Variants in GLIS2 observed in about 807,000 individuals in gnomAD.
The protein encoded by GLIS2 is zinc finger protein GLIS2.
Under a neutral mutation model 35.6 loss-of-function variants are expected in GLIS2, and 14 were observed. The ratio of observed to expected loss-of-function variants is 0.39; its 90% CI spans 0.26 to 0.61. The LOEUF (loss-of-function observed/expected upper bound fraction) is 0.61, where lower values mean the gene tolerates loss of function less well. GLIS2 is among the 20% of genes least tolerant of loss of function. GLIS2 has a pLI of 0.48. For missense variants in GLIS2, 675 were observed against 713.4 expected, an observed-to-expected ratio of 0.95 and a Z score of 0.61; for synonymous variants, 368 against 325.1, an observed-to-expected ratio of 1.13 and a Z score of -1.42.
chr16:4,323,676 C>T (rs569527688), intron 1 of GLIS2, among the ~76,000 whole-genome samples: 2 of 152,312 alleles, frequency 1.3e-5, no homozygotes, highest in African/African-American at 4.8e-5. Flanking sequence ...CTGGTGCAGG[C>T]CAGGGAAGCC....
chr16:4,316,010 C>T (rs1357157529), upstream of GLIS2, among the ~76,000 whole-genome samples: 1 of 142,530 alleles, frequency 7.0e-6, no homozygotes, highest in Non-Finnish European at 1.6e-5. Context: ...CTCCTCCCTC[C>T]TCCCGCCCGC....
chr16:4,316,489 C>T (rs1222429276), intron 1 of GLIS2, among the ~76,000 whole-genome samples: 3 of 151,916 alleles, frequency 2.0e-5, no homozygotes, highest in East Asian at 2.0e-4. Context: ...CTTTCTTCTC[C>T]CTCCTTCCTT....
chr16:4,317,913 C>T (rs569553408), intron 1 of GLIS2, among the ~76,000 whole-genome samples: 4 of 152,284 alleles, frequency 2.6e-5, no homozygotes, highest in African/African-American at 7.2e-5. Context: ...TGTGCCTGCC[C>T]GCCCTTCCCT....
At position 4,333,527 on chromosome 16, in the gene GLIS2, G is replaced by A. The variant is rs759961907; in HGVS notation, c.345+8G>A. On this transcript the variant is annotated splice_region_variant and intron_variant, in intron 3 of 6. Coordinates refer to ENST00000433375, the MANE Select transcript of GLIS2 (RefSeq NM_032575.3). ...CCAGTGCCCAGTGCCTCGGTAAGGA[G>A]GGGTGAGAGTTCCGGAGAGAGGGGT... 6.2e-7 allele frequency: 1 copy of A among 1,606,528 alleles called. No homozygotes were observed. Among genetic ancestry groups the A allele is most frequent in the Non-Finnish European group, 8.5e-7 (1 of 1,176,394 alleles).
At chr16:4,329,735 A>G (rs957357300) in intron 1 of GLIS2, among the ~76,000 whole-genome samples, 3 of 152,192 alleles carry the variant, frequency 2.0e-5, no homozygotes, top group Non-Finnish European at 2.9e-5. Context: ...TGTAGTAGTT[A>G]TGTCCACCAT....
intron 3 of GLIS2, 79 bp downstream of exon 3, chr16:4,333,598 G>C (rs2053520262): frequency 1.4e-6 from 2 of 1,445,494 alleles, no homozygotes; most frequent in Non-Finnish European, 1.9e-6. Flanking sequence ...CCAACACTGA[G>C]TGGTTTAAAA....
Position 4,337,503 on chromosome 16 carries a change from C to G in GLIS2, c.1554C>G (p.Leu518=). ...WVVIPPGSVL[L]KPAVVN ...TCATCCCGCCGGGCTCGGTGCTGCTCAAACCGGCTGTGGTGAACTGAGCCC... is the reference window on the plus strand; with the variant it reads ...TCATCCCGCCGGGCTCGGTGCTGCTGAAACCGGCTGTGGTGAACTGAGCCC... Residue 518 remains leucine, a synonymous_variant, in exon 7 of 7, where the codon CTC becomes CTG. Transcript: ENST00000433375. The G allele has an allele frequency of 1.3e-6, 2 of 1,562,564 alleles. No homozygotes were observed.
upstream of GLIS2, chr16:4,315,585 G>C (rs1007493324): frequency 1.3e-5 from 2 of 151,490 alleles, no homozygotes; most frequent in African/African-American, 4.8e-5. Context: ...CCCCGAGGGC[G>C]GGACGTCTCG....
In GLIS2 at chr16:4,337,053, C is replaced by A; in HGVS notation, c.1104C>A (p.Pro368=). The A allele has an allele frequency of 6.4e-7, 1 of 1,569,146 alleles. No individual in the cohort carries two copies. Among genetic ancestry groups the A allele is most frequent in the Non-Finnish European group, 8.6e-7 (1 of 1,163,040 alleles). The change falls in exon 7 of 7, where the codon CCC becomes CCA. Residue 368 remains proline (P), a synonymous_variant. Coordinates refer to ENST00000433375, the MANE Select transcript of GLIS2 (RefSeq NM_032575.3). The part of the protein sequence containing the change: ...PAALFGGPGL[P]GLPLPLAPGP... ...CCCTCTTTGGAGGCCCTGGCCTGCC[C>A]GGCTTACCCCTACCCCTGGCCCCCG...
Position 4,337,477 on chromosome 16 carries a change from G to T in GLIS2, c.1528G>T (p.Val510Phe). Residue 510 changes from valine to phenylalanine, a missense_variant, in exon 7 of 7, where the codon GTC (valine) becomes TTC (phenylalanine). Coordinates refer to ENST00000433375, the MANE Select transcript of GLIS2 (RefSeq NM_032575.3). Reference protein sequence around the residue: ...SPEALAPGWVVIPPGSVLLKP... With the variant: ...SPEALAPGWVFIPPGSVLLKP... ...AGAGGCGTTGGCCCCTGGCTGGGTG[G>T]TCATCCCGCCGGGCTCGGTGCTGCT... is the stretch of plus-strand genomic sequence containing the variant. 6.4e-7 allele frequency: 1 copy of T among 1,573,276 alleles called. No homozygotes were observed.
At chr16:4,326,281 A>G (rs1274228986) in intron 1 of GLIS2, 1 of 152,276 alleles carries the variant, frequency 6.6e-6, no homozygotes, top group African/African-American at 2.4e-5. Context: ...AGGTGACCAC[A>G]TAGACTTCTG....
intron 1 of GLIS2, among the ~76,000 whole-genome samples, chr16:4,316,493 C>T (rs937084050): frequency 2.6e-5 from 4 of 151,856 alleles, no homozygotes; most frequent in African/African-American, 4.8e-5. Context: ...CTTCTCCCTC[C>T]TTCCTTCCCT....
rs1425645986 is a variant in GLIS2, at chr16:4,337,680, C to T, written c.*156C>T. 6 of 1,122,204 alleles carry T rather than the reference C, an allele frequency of 5.3e-6. No individual in the cohort carries two copies. Among genetic ancestry groups the T allele is most frequent in the East Asian group, 2.6e-5 (1 of 38,690 alleles). The allele number at this position is 1,122,204 out of a possible 1,614,324, so 69.5% of individuals were successfully genotyped here. A position where few individuals can be genotyped will look rare whatever the true frequency, so the allele number is the denominator to read the frequency against. ...AAGGATGGTGCTAGGTCATTCATGG[C>T]TGGCCTCCCAGCCCCCGGGTGGGGA... is the stretch of plus-strand genomic sequence containing the variant. On this transcript the variant is annotated 3_prime_UTR_variant, in exon 7 of 7. Coordinates refer to ENST00000433375, the MANE Select transcript of GLIS2 (RefSeq NM_032575.3).
At chr16:4,316,642 G>C (rs1335413262) in intron 1 of GLIS2, among the ~76,000 whole-genome samples, 2 of 151,776 alleles carry the variant, frequency 1.3e-5, no homozygotes, top group Non-Finnish European at 2.9e-5. Context: ...GTTGTCCGGG[G>C]CAGCCGCCCC....
At chr16:4,327,868 T>G (rs2053452534) in intron 1 of GLIS2, among the ~76,000 whole-genome samples, 1 of 152,058 alleles carries the variant, frequency 6.6e-6, no homozygotes, top group South Asian at 2.1e-4. Flanking sequence ...AGCGGCCGGT[T>G]CCGCGGCCAC....
intron 1 of GLIS2, among the ~76,000 whole-genome samples, chr16:4,324,319 C>T (rs909576454): frequency 3.3e-5 from 5 of 152,198 alleles, no homozygotes; most frequent in African/African-American, 7.2e-5. Context: ...AGCTCCTCCC[C>T]CTCCAGTCCT....
At chr16:4,336,284 T>G in intron 6 of GLIS2, 1 of 316,956 alleles carries the variant, frequency 3.2e-6, no homozygotes, top group East Asian at 7.7e-5. Context: ...GTAGCTGGGA[T>G]TACAGGCACC....
At chr16:4,324,341 T>C (rs1431874511) in intron 1 of GLIS2, among the ~76,000 whole-genome samples, 1 of 152,202 alleles carries the variant, frequency 6.6e-6, no homozygotes, top group Non-Finnish European at 1.5e-5. Context: ...GGAGGAGGCC[T>C]GTCTGCGGCC....
intron 1 of GLIS2, among the ~76,000 whole-genome samples, chr16:4,331,180 G>C (rs1163288050): frequency 1.3e-5 from 2 of 151,898 alleles, no homozygotes; most frequent in Non-Finnish European, 2.9e-5. Context: ...TGGGGTTTCA[G>C]CGTGTTAGCC....
Sources: gnomAD v4.1 joint callset for allele counts (sites outside exome capture counted in the v4.1 genomes callset) on GRCh38, gnomAD v4.1.1 for gene constraint, MANE v1.5 for transcripts, NCBI Gene and HGNC (gene_info 2026-07-23, HGNC 2026-07-21) for gene names.